The following LRRC37A2 variants were observed in gnomAD, a reference collection of about 807,000 sequenced individuals.
LRRC37A2 encodes leucine rich repeat containing 37 member A2.
In LRRC37A2, 9 loss-of-function variants were observed where a neutral mutation model predicts 68.8. The observed-to-expected ratio is 0.13, with a 90% confidence interval of 0.08 to 0.23. LRRC37A2 has a LOEUF of 0.23. LRRC37A2 is among the 10% of genes least tolerant of loss of function. The pLI, the probability that LRRC37A2 is intolerant of heterozygous loss-of-function variation, is 1.00. For missense variants in LRRC37A2, 168 were observed against 950.4 expected (o/e 0.18, Z 10.82); for synonymous variants, 63 against 367.6 (o/e 0.17, Z 9.48).
chr17:46,961,873 A>G, the LRRC37A2 span, among the ~76,000 whole-genome samples: 2 of 152,356 alleles, frequency 1.3e-5, no homozygotes, highest in South Asian at 4.1e-4. Context: ...ACACAGGAGA[A>G]ACAGAAACAT....
the LRRC37A2 span, among the ~76,000 whole-genome samples, chr17:46,494,761 G>A: frequency 6.6e-6 from 1 of 151,220 alleles, no homozygotes; most frequent in Non-Finnish European, 1.5e-5. Flanking sequence ...GATACAGTGT[G>A]TAATGATCAA....
chr17:46,930,960 A>T, the LRRC37A2 span: 1 of 662,190 alleles, frequency 1.5e-6, no homozygotes, highest in Non-Finnish European at 2.7e-6. Context: ...TCTGTTATTC[A>T]TTAGTGTATA....
chr17:46,816,232 C>A, the LRRC37A2 span, among the ~76,000 whole-genome samples: 1 of 151,632 alleles, frequency 6.6e-6, no homozygotes, highest in Non-Finnish European at 1.5e-5. Flanking sequence ...TTTACATGGG[C>A]AAAGATACTT....
At chr17:46,737,103 A>G in the LRRC37A2 span, among the ~76,000 whole-genome samples, 1 of 152,204 alleles carries the variant, frequency 6.6e-6, no homozygotes, top group South Asian at 2.1e-4. Context: ...CATTTAAGAA[A>G]TCCTTCTCAG....
chr17:46,382,071 G>A, the LRRC37A2 span, among the ~76,000 whole-genome samples: 96 of 140,380 alleles, frequency 6.8e-4, no homozygotes, highest in African/African-American at 2.3e-3. Context: ...CTGAGGTCGG[G>A]AGTTCGAGAC....
the LRRC37A2 span, chr17:46,935,561 C>T: frequency 5.0e-6 from 6 of 1,199,400 alleles, no homozygotes; most frequent in South Asian, 2.4e-5. Context: ...TCCCTTAGGA[C>T]CCCTACTGTG....
At chr17:46,864,460 G>A in the LRRC37A2 span, among the ~76,000 whole-genome samples, 1 of 152,140 alleles carries the variant, frequency 6.6e-6, no homozygotes, top group African/African-American at 2.4e-5. Flanking sequence ...TGAAGAGGTA[G>A]GCCACTTCTG....
the LRRC37A2 span, among the ~76,000 whole-genome samples, chr17:46,840,011 CTTTCT>C: frequency 6.5e-4 from 54 of 82,924 alleles, no homozygotes; most frequent in East Asian, 0.012. Context: ...TTCTTTCTTT[CTTTCT>C]TTCTTTCTTT....
At chr17:46,743,010 G>A in the LRRC37A2 span, among the ~76,000 whole-genome samples, 1 of 152,168 alleles carries the variant, frequency 6.6e-6, no homozygotes, top group African/African-American at 2.4e-5. Flanking sequence ...CTCCTCAGAA[G>A]TTGCTGCCTC....
At chr17:46,876,519 G>A in the LRRC37A2 span, 66 of 1,613,460 alleles carry the variant, frequency 4.1e-5, no homozygotes, top group Non-Finnish European at 5.0e-5. Flanking sequence ...AGCTTCTGCC[G>A]GCCCAGCAAG....
chr17:46,767,565 A>C, the LRRC37A2 span, among the ~76,000 whole-genome samples: 1 of 152,174 alleles, frequency 6.6e-6, no homozygotes, highest in Non-Finnish European at 1.5e-5. Context: ...TTATAGTAAG[A>C]AAGCTGAGGC....
chr17:46,891,667 C>T, the LRRC37A2 span, among the ~76,000 whole-genome samples: 2 of 152,142 alleles, frequency 1.3e-5, no homozygotes, highest in African/African-American at 2.4e-5. Context: ...TGAAATGCTT[C>T]CCGTTCCACA....
the LRRC37A2 span, among the ~76,000 whole-genome samples, chr17:46,861,883 G>A: frequency 2.6e-5 from 4 of 152,170 alleles, no homozygotes; most frequent in Non-Finnish European, 5.9e-5. Flanking sequence ...AGAAAAGTAG[G>A]CCGGGTGCAG....
At chr17:46,889,627 G>A in the LRRC37A2 span, among the ~76,000 whole-genome samples, 1 of 152,180 alleles carries the variant, frequency 6.6e-6, no homozygotes, top group Non-Finnish European at 1.5e-5. Flanking sequence ...ATTAGAGCAT[G>A]CCTTTTCTTC....
the LRRC37A2 span, among the ~76,000 whole-genome samples, chr17:47,040,514 T>C: frequency 2.0e-5 from 3 of 147,698 alleles, no homozygotes; most frequent in Non-Finnish European, 4.5e-5. Context: ...GCTATTTATT[T>C]AGTGACTTTT....
chr17:46,853,658 A>G, the LRRC37A2 span, among the ~76,000 whole-genome samples: 15 of 152,184 alleles, frequency 9.9e-5, no homozygotes, highest in Middle Eastern at 3.4e-3. Flanking sequence ...ATGAGCCACC[A>G]GGCCTGGCTA....
chr17:46,780,559 C>T, the LRRC37A2 span, among the ~76,000 whole-genome samples: 1 of 152,122 alleles, frequency 6.6e-6, no homozygotes, highest in Non-Finnish European at 1.5e-5. Context: ...GAGGCCGAGG[C>T]GGGAGGATCA....
chr17:46,940,151 A>T, the LRRC37A2 span: 1 of 1,310,050 alleles, frequency 7.6e-7, no homozygotes, highest in South Asian at 1.8e-5. Context: ...CTCTGTAGTC[A>T]TGTTGGTCCT....
the LRRC37A2 span, among the ~76,000 whole-genome samples, chr17:46,715,668 G>A: frequency 6.6e-6 from 1 of 152,176 alleles, no homozygotes; most frequent in Admixed American, 6.5e-5. Flanking sequence ...CTTTGTAAGT[G>A]TGAGATATTA....
Sources: allele counts gnomAD v4.1 joint callset (sites outside exome capture counted in the v4.1 genomes callset), GRCh38; gene constraint gnomAD v4.1.1; transcripts MANE v1.5; gene names NCBI Gene and HGNC (gene_info 2026-07-23, HGNC 2026-07-21).